DIP2C: variants seen among roughly 807,000 people sequenced by gnomAD.
DIP2C encodes disco-interacting protein 2 homolog C.
DIP2C carries 33 observed loss-of-function variants against 192.4 expected under a neutral mutation model. The ratio of observed to expected loss-of-function variants is 0.17; its 90% CI spans 0.13 to 0.23. DIP2C has a LOEUF of 0.23. DIP2C is among the 10% of genes least tolerant of loss of function. The pLI, the probability that DIP2C is intolerant of heterozygous loss-of-function variation, is 1.00. For missense variants in DIP2C, 1,537 were observed against 2,110.1 expected (o/e 0.73, Z 5.32); for synonymous variants, 979 against 864.1 (o/e 1.13, Z -2.33).
At chr10:593,494 C>T (rs1053573603) in intron 1 of DIP2C, among the ~76,000 whole-genome samples, 3 of 125,902 alleles carry the variant, frequency 2.4e-5, no homozygotes, top group South Asian at 3.7e-4. Flanking sequence ...GACCCCCCCC[C>T]CCCCACCCTT....
At chr10:473,774 A>G (rs1450243161) in intron 2 of DIP2C, among the ~76,000 whole-genome samples, 3 of 152,250 alleles carry the variant, frequency 2.0e-5, no homozygotes, top group Non-Finnish European at 4.4e-5. Flanking sequence ...GTAAACCAGA[A>G]ATAAAAGTTT....
intron 17 of DIP2C, among the ~76,000 whole-genome samples, chr10:371,711 G>GGTGGATCA (rs367710693): frequency 2.0e-4 from 31 of 151,890 alleles, no homozygotes; most frequent in South Asian, 6.2e-4. Flanking sequence ...TGAGGCCTGG[G>GGTGGATCA]CTGAGCTGAG....
chr10:674,947 CAG>C (rs999602510), intron 1 of DIP2C, among the ~76,000 whole-genome samples: 17 of 151,792 alleles, frequency 1.1e-4, no homozygotes, highest in African/African-American at 3.4e-4. Context: ...ATGGACCTAA[CAG>C]ACATTTACAG....
intron 1 of DIP2C, among the ~76,000 whole-genome samples, chr10:570,510 C>T (rs1050267862): frequency 3.3e-5 from 5 of 152,148 alleles, no homozygotes; most frequent in Admixed American, 2.6e-4. Context: ...ACCAGTTTCC[C>T]GCAGCCCAGA....
chr10:489,887 C>T (rs56406002), intron 1 of DIP2C, among the ~76,000 whole-genome samples: 1 of 43,902 alleles, frequency 2.3e-5, no homozygotes, highest in Non-Finnish European at 4.4e-5. Flanking sequence ...CATTTCACAC[C>T]AGGGACATGG....
In DIP2C at chr10:532,720, T is replaced by TGA. The variant is rs540626152; in HGVS notation, c.86-46192_86-46191dup. On this transcript the variant is annotated intron_variant, in intron 1 of 36. Transcript: ENST00000280886. ...ATGGGTGTGAGAGAGAGTATGGGTG[T>TGA]GAGAGAGAGTATGGGTGTGAGAGAG... is the stretch of plus-strand genomic sequence containing the variant. Among the ~76,000 whole-genome samples the TGA allele has an allele frequency of 3.6e-4, 38 of 105,242 alleles. 2 individuals are homozygous for TGA. The highest frequency in any genetic ancestry group is 7.6e-4 in the Non-Finnish European group (33 of 43,668). 69.0% of individuals were successfully genotyped at this position (105,242 alleles called of 152,430 possible). A position where few individuals can be genotyped will look rare whatever the true frequency, so the allele number is the denominator to read the frequency against.
At chr10:493,472 T>A (rs1479009814) in intron 1 of DIP2C, among the ~76,000 whole-genome samples, 1 of 152,032 alleles carries the variant, frequency 6.6e-6, no homozygotes, top group Admixed American at 6.6e-5. Flanking sequence ...AGGGGCAAGG[T>A]AGGGACAATG....
At chr10:492,695 T>G (rs1844531717) in intron 1 of DIP2C, among the ~76,000 whole-genome samples, 1 of 152,202 alleles carries the variant, frequency 6.6e-6, no homozygotes, top group African/African-American at 2.4e-5. Flanking sequence ...AAGATCTTAC[T>G]CGGGCCAGGC....
intron 1 of DIP2C, among the ~76,000 whole-genome samples, chr10:549,440 G>C (rs1432934645): frequency 6.6e-6 from 1 of 152,124 alleles, no homozygotes; most frequent in African/African-American, 2.4e-5. Flanking sequence ...CAAGCCAACA[G>C]GTGAGATGTG....
At chr10:669,053 TG>T (rs1857288126) in intron 1 of DIP2C, 1 of 151,958 alleles carries the variant, frequency 6.6e-6, no homozygotes, top group Non-Finnish European at 1.5e-5. Context: ...GGAACGGGGT[TG>T]GTGACGGTAC....
At chr10:451,654 A>G (rs1968858419) in intron 3 of DIP2C, among the ~76,000 whole-genome samples, 1 of 152,258 alleles carries the variant, frequency 6.6e-6, no homozygotes. Context: ...CAGGATGACA[A>G]GATGACAACG....
At chr10:347,974 C>T (rs1470483003) in intron 26 of DIP2C, among the ~76,000 whole-genome samples, 1 of 150,714 alleles carries the variant, frequency 6.6e-6, no homozygotes, top group African/African-American at 2.5e-5. Flanking sequence ...GGAAACGTCA[C>T]ACACACCCAG....
chr10:610,920 T>C lies in DIP2C; in HGVS notation c.85+78574A>G, dbSNP rs553011335. Among the ~76,000 whole-genome samples, 957 of 136,288 alleles carry C rather than the reference T, an allele frequency of 7.0e-3. 13 individuals carry two copies. Among genetic ancestry groups the C allele is most frequent in the African/African-American group, 0.022 (755 of 34,398 alleles). The allele number at this position is 136,288 out of a possible 152,430, so 89.4% of individuals were successfully genotyped here. On this transcript the variant is annotated intron_variant, in intron 1 of 36. Coordinates refer to ENST00000280886, the MANE Select transcript of DIP2C (RefSeq NM_014974.3). ...GCCCTGGTGGGAGGTGACTGACTCA[T>C]GGGGGTGGTTTCTAACCCCCCCGTG...
In DIP2C at chr10:500,618, G is replaced by A. The variant is rs77984804; in HGVS notation, c.86-14088C>T. The stretch of plus-strand genomic sequence containing the variant: ...ATCCTACACAAAACAAAGTGCACAC[G>A]AAACACAGACACAATATCACCAAAT... On this transcript the variant is annotated intron_variant, in intron 1 of 36. Coordinates refer to ENST00000280886, the MANE Select transcript of DIP2C (RefSeq NM_014974.3). Among the ~76,000 whole-genome samples, 1,438 of 152,292 alleles carry A rather than the reference G, an allele frequency of 9.4e-3. 13 individuals are homozygous for A. The highest frequency in any genetic ancestry group is 0.013 in the Non-Finnish European group (860 of 68,018).
At position 659,250 on chromosome 10, in the gene DIP2C, A is replaced by G. The variant is rs535145416; in HGVS notation, c.85+30244T>C. The stretch of plus-strand genomic sequence containing the variant: ...GTGCGATGTCATGCCTAAACATGTA[A>G]CACATGCACACACATACATACAACA... On this transcript the variant is annotated intron_variant, in intron 1 of 36. Transcript: ENST00000280886. 2.6e-5 allele frequency among the ~76,000 whole-genome samples: 4 copies of G among 152,334 alleles called. No homozygotes were observed. The East Asian group carries it at 7.7e-4, about 29-fold the overall frequency.
chr10:530,721 T>A (rs1329789450), intron 1 of DIP2C, among the ~76,000 whole-genome samples: 1 of 150,060 alleles, frequency 6.7e-6, no homozygotes, highest in African/African-American at 2.5e-5. Flanking sequence ...TACAATAAAT[T>A]ACTATGTCAA....
chr10:281,069 T>C (rs1954794378), intron 36 of DIP2C, 131 bp downstream of exon 36: 1 of 1,280,548 alleles, frequency 7.8e-7, no homozygotes. Flanking sequence ...TAAAGATTTA[T>C]AGTCAAATGT....
At chr10:514,239 C>T (rs1395744739) in intron 1 of DIP2C, among the ~76,000 whole-genome samples, 3 of 151,712 alleles carry the variant, frequency 2.0e-5, no homozygotes, top group African/African-American at 7.3e-5. Context: ...GCCAGGAGAG[C>T]GTATTTACAC....
chr10:288,197 C>T (rs781476829), intron 33 of DIP2C, among the ~76,000 whole-genome samples, 167 bp downstream of exon 33: 5 of 152,136 alleles, frequency 3.3e-5, no homozygotes, highest in Admixed American at 3.3e-4. Flanking sequence ...AAAAGTCTAA[C>T]TTGTTTAAAA....
Sources: allele counts gnomAD v4.1 joint callset (sites outside exome capture counted in the v4.1 genomes callset), GRCh38; gene constraint gnomAD v4.1.1; transcripts MANE v1.5; gene names NCBI Gene and HGNC (gene_info 2026-07-23, HGNC 2026-07-21).